Variants in ZNF225 observed in about 807,000 individuals in gnomAD.
The protein encoded by ZNF225 is zinc finger protein 225.
ZNF225 carries 6 observed loss-of-function variants against 12.0 expected under a neutral mutation model. That is an observed-to-expected ratio of 0.50 (90% CI 0.27 to 0.98). The LOEUF (loss-of-function observed/expected upper bound fraction) is 0.98, where lower values mean the gene tolerates loss of function less well. Ranked by LOEUF, ZNF225 falls within the 50% of genes least tolerant of loss-of-function variation. The pLI is 0.11. For synonymous variants in ZNF225, 271 were observed against 283.2 expected, an observed-to-expected ratio of 0.96 and a Z score of 0.43; for missense variants, 763 against 848.2, an observed-to-expected ratio of 0.90 and a Z score of 1.25.
chr19:44,120,713 T>C (rs1428918339), intron 4 of ZNF225, among the ~76,000 whole-genome samples: 1 of 152,224 alleles, frequency 6.6e-6, no homozygotes, highest in Non-Finnish European at 1.5e-5. Flanking sequence ...TATGTTTTTA[T>C]TTTTATTTTT....
At chr19:44,123,747 C>T (rs1377960945) in intron 4 of ZNF225, among the ~76,000 whole-genome samples, 1 of 152,038 alleles carries the variant, frequency 6.6e-6, no homozygotes, top group Admixed American at 6.6e-5. Flanking sequence ...GGAATTTATC[C>T]ACCTCTTCCA....
chr19:44,132,672 G>A lies in ZNF225; in HGVS notation c.2058G>A (p.Gly686=). ...GEKTSKCEDC[G]KRYKRRLNLD... is the part of the protein sequence containing the mutation. ...AAACATCTAAATGTGAGGACTGTGG[G>A]AAGCGCTACAAGAGGCGCTTGAATC... The change falls in exon 5 of 5, where the codon GGG becomes GGA. Residue 686 remains glycine, a synonymous_variant. Coordinates refer to ENST00000262894, the MANE Select transcript of ZNF225 (RefSeq NM_013362.4). 1.2e-6 allele frequency: 2 copies of A among 1,613,256 alleles called. No individual in the cohort carries two copies. The highest frequency in any genetic ancestry group is 8.5e-7 in the Non-Finnish European group (1 of 1,179,742).
Position 44,122,130 on chromosome 19 carries a change from T to A in ZNF225, c.235+3556T>A, listed in dbSNP as rs188635867. Among the ~76,000 whole-genome samples the A allele has an allele frequency of 8.2e-3, 1,253 of 152,328 alleles. 25 individuals carry two copies. Among genetic ancestry groups the A allele is most frequent in the African/African-American group, 0.028 (1,173 of 41,572 alleles). ...CTTCTAGAATTTTTATAGTTTCAGG[T>A]CTTAGATTTGAGTCCTTAATCTATC... On this transcript the variant is annotated intron_variant, in intron 4 of 4. Transcript: ENST00000262894.
At position 44,132,703 on chromosome 19, in the gene ZNF225, A is replaced by C. The variant is rs889923962; in HGVS notation, c.2089A>C (p.Thr697Pro). The C allele has an allele frequency of 1.9e-6, 3 of 1,606,658 alleles. 1 individual carries two copies. Among genetic ancestry groups the C allele is most frequent in the Middle Eastern group, 1.7e-4 (1 of 6,008 alleles). ...KRYKRRLNLD[T>P]LLSLFLNDT ...CTACAAGAGGCGCTTGAATCTTGAT[A>C]CGCTTTTGTCATTATTTTTAAATGA... The change falls in exon 5 of 5, where the codon ACG becomes CCG. Residue 697 changes from threonine (T) to proline (P), a missense_variant. Thr to Pro is a conservative substitution (Grantham distance 38, BLOSUM62 -1). Transcript: ENST00000262894.
At chr19:44,118,631 T>G in intron 4 of ZNF225, 57 bp downstream of exon 4, 1 of 1,525,448 alleles carries the variant, frequency 6.6e-7, no homozygotes, top group South Asian at 1.1e-5. Context: ...GTTTCACTTC[T>G]GTCCATTGCC....
intron 1 of ZNF225, among the ~76,000 whole-genome samples, chr19:44,113,816 G>A (rs138163609): frequency 5.5e-4 from 83 of 152,290 alleles, no homozygotes; most frequent in African/African-American, 1.9e-3. Flanking sequence ...TCTTTAAGAT[G>A]GGGAGTTTAG....
In ZNF225 at chr19:44,132,318, T is replaced by G. The variant is rs1165555384; in HGVS notation, c.1704T>G (p.Tyr568Ter). 6.2e-7 allele frequency: 1 copy of G among 1,613,968 alleles called. No individual in the cohort carries two copies. Among genetic ancestry groups the G allele is most frequent in the East Asian group, 2.2e-5 (1 of 44,854 alleles). ...HQRVHTGERP[Y>*]NCKECGKSFS... ...GGGTCCACACCGGAGAGAGACCTTA[T>G]AATTGTAAAGAATGTGGGAAGAGCT... Residue 568 changes from tyrosine to a stop codon, truncating the protein, a stop_gained, in exon 5 of 5, where the codon TAT becomes TAG. Coordinates refer to ENST00000262894, the MANE Select transcript of ZNF225 (RefSeq NM_013362.4). LOFTEE classifies it low-confidence loss of function (END_TRUNC).
upstream of ZNF225, among the ~76,000 whole-genome samples, chr19:44,111,429 C>T (rs1166263934): frequency 6.6e-6 from 1 of 152,112 alleles, no homozygotes; most frequent in Non-Finnish European, 1.5e-5. Context: ...GGCGAAACTC[C>T]CTCTCAAAAC....
intron 4 of ZNF225, among the ~76,000 whole-genome samples, chr19:44,122,106 T>G (rs535271760): frequency 1.3e-5 from 2 of 152,346 alleles, no homozygotes; most frequent in East Asian, 3.9e-4. Flanking sequence ...CAATGTTACC[T>G]TCTAGAATTT....
Position 44,118,304 on chromosome 19 carries a change from G to T in ZNF225, c.132G>T (p.Leu44=), listed in dbSNP as rs1265113379. The T allele has an allele frequency of 2.5e-6, 4 of 1,612,766 alleles. No homozygotes were observed. The highest frequency in any genetic ancestry group is 3.4e-6 in the Non-Finnish European group (4 of 1,179,458). The part of the protein sequence containing the change: ...REVMLENFRN[L]LSVGHQSLHR... ...TGATGCTGGAGAACTTCAGGAACCT[G>T]CTCTCAGTGGGTGAGGACAGGCACC... is the stretch of plus-strand genomic sequence containing the variant. The change falls in exon 3 of 5, where the codon CTG becomes CTT. Residue 44 remains leucine (L), a synonymous_variant. Coordinates refer to ENST00000262894, the MANE Select transcript of ZNF225 (RefSeq NM_013362.4).
At position 44,118,626 on chromosome 19, in the gene ZNF225, A is replaced by G. The variant is rs967034967; in HGVS notation, c.235+52A>G. ...TGTGCGTGACTCTCCCATCGGTTTC[A>G]CTTCTGTCCATTGCCCAGCTCTGTT... is the stretch of plus-strand genomic sequence containing the variant. On this transcript the variant is annotated intron_variant, in intron 4 of 4. Coordinates refer to ENST00000262894, the MANE Select transcript of ZNF225 (RefSeq NM_013362.4). 3.2e-6 allele frequency: 5 copies of G among 1,547,230 alleles called. No individual in the cohort carries two copies. In the African/African-American group the frequency reaches 6.8e-5, roughly 21 times the overall value.
Position 44,131,650 on chromosome 19 carries a change from T to C in ZNF225, c.1036T>C (p.Cys346Arg). The stretch of plus-strand genomic sequence containing the variant: ...CCACACAGGAGAGAAACGGTACAAA[T>C]GTGAGGAATGTGGAAAACGCTTCAT... ...MVHTGEKRYK[C>R]EECGKRFIYR... is the part of the protein sequence containing the mutation. The change falls in exon 5 of 5, where the codon TGT becomes CGT. Residue 346 changes from cysteine to arginine, a missense_variant. Transcript: ENST00000262894. 5 of 1,614,090 alleles carry C rather than the reference T, an allele frequency of 3.1e-6. No homozygotes were observed. The highest frequency in any genetic ancestry group is 4.2e-6 in the Non-Finnish European group (5 of 1,179,988).
chr19:44,112,821 C>A (rs1967857127), upstream of ZNF225: 1 of 152,224 alleles, frequency 6.6e-6, no homozygotes, highest in Non-Finnish European at 1.5e-5. Flanking sequence ...CCATTTCTTA[C>A]CATTAGATTA....
At position 44,131,768 on chromosome 19, in the gene ZNF225, C is replaced by T. The variant is rs750433265; in HGVS notation, c.1154C>T (p.Ser385Leu). 2.5e-6 allele frequency: 4 copies of T among 1,614,232 alleles called. No homozygotes were observed. Among genetic ancestry groups the T allele is most frequent in the East Asian group, 2.2e-5 (1 of 44,884 alleles). The change falls in exon 5 of 5, where the codon TCA becomes TTA. Residue 385 changes from serine to leucine, a missense_variant. Coordinates refer to ENST00000262894, the MANE Select transcript of ZNF225 (RefSeq NM_013362.4). ...KECGKSFRWA[S>L]GLSRHVRVHS... is the part of the protein sequence containing the mutation. ...TGTGGAAAGAGCTTCAGATGGGCCT[C>T]AGGTCTTTCAAGACATGTGCGAGTC...
rs1341758758 is a variant in ZNF225, at chr19:44,118,332, T to A, written c.142+18T>A. ...CTCAGTGGGTGAGGACAGGCACCCT[T>A]TGTAAGGGAACATCAGGACCAGGAG... On this transcript the variant is annotated intron_variant, in intron 3 of 4. Transcript: ENST00000262894. 6.2e-7 allele frequency: 1 copy of A among 1,610,362 alleles called. No homozygotes were observed. The highest frequency in any genetic ancestry group is 8.5e-7 in the Non-Finnish European group (1 of 1,178,688).
chr19:44,121,064 T>C (rs79391700), intron 4 of ZNF225, among the ~76,000 whole-genome samples: 1 of 152,018 alleles, frequency 6.6e-6, no homozygotes, highest in African/African-American at 2.4e-5. Context: ...GCCCTGCTAA[T>C]TTTTTTTATA....
At chr19:44,112,467 T>C (rs2147545408), upstream of ZNF225, among the ~76,000 whole-genome samples, 1 of 152,364 alleles carries the variant, frequency 6.6e-6, no homozygotes, top group East Asian at 1.9e-4. Flanking sequence ...GTATTCGTAC[T>C]AGATGCCATT....
chr19:44,126,855 C>T (rs1219159150), intron 4 of ZNF225, among the ~76,000 whole-genome samples: 2 of 152,186 alleles, frequency 1.3e-5, no homozygotes, highest in East Asian at 1.9e-4. Flanking sequence ...ACCCAGCTCC[C>T]ATGCAAACCA....
At chr19:44,129,933 C>T (rs9304638) in intron 4 of ZNF225, 117,848 of 152,180 alleles carry the variant, frequency 0.77, 46,757 homozygotes, top group Non-Finnish European at 0.88. Context: ...AAAGTTTTGA[C>T]GATGTTATGG....
Sources: gnomAD v4.1 joint callset for allele counts (sites outside exome capture counted in the v4.1 genomes callset) on GRCh38, gnomAD v4.1.1 for gene constraint, MANE v1.5 for transcripts, NCBI Gene and HGNC (gene_info 2026-07-23, HGNC 2026-07-21) for gene names.